The following ZFHX3 variants were observed in gnomAD, a reference collection of about 807,000 sequenced individuals.
ZFHX3 encodes zinc finger homeobox 3.
In ZFHX3, 42 loss-of-function variants were observed where a neutral mutation model predicts 279.1. The ratio of observed to expected loss-of-function variants is 0.15; its 90% CI spans 0.12 to 0.19. The LOEUF is 0.19. Ranked by LOEUF, ZFHX3 falls within the 10% of genes least tolerant of loss-of-function variation. ZFHX3 has a pLI of 1.00. For missense variants in ZFHX3, 4,981 were observed against 4,754.0 expected (o/e 1.05, Z -1.40); for synonymous variants, 2,293 against 1,957.8 (o/e 1.17, Z -4.52).
chr16:73,890,367 T>A (rs2030494465), intron 1 of ZFHX3, among the ~76,000 whole-genome samples: 1 of 152,214 alleles, frequency 6.6e-6, no homozygotes, highest in African/African-American at 2.4e-5. Flanking sequence ...GTTCCATTTT[T>A]ACTCCTGCAT....
intron 1 of ZFHX3, among the ~76,000 whole-genome samples, chr16:73,002,122 A>T (rs1331244283): frequency 6.6e-6 from 1 of 152,182 alleles, no homozygotes; most frequent in African/African-American, 2.4e-5. Flanking sequence ...TTTCTTTTAC[A>T]GATAAAGCAT....
intron 1 of ZFHX3, among the ~76,000 whole-genome samples, chr16:73,027,891 A>G (rs1027910605): frequency 8.5e-5 from 13 of 152,206 alleles, no homozygotes; most frequent in African/African-American, 2.4e-4. Flanking sequence ...AGTGTTTAAT[A>G]CACTGCCGGG....
chr16:73,768,065 T>C (rs4387626), intron 1 of ZFHX3, among the ~76,000 whole-genome samples: 80,066 of 151,980 alleles, frequency 0.53, 21,475 homozygotes, highest in African/African-American at 0.62. Flanking sequence ...CAGAAAGGAT[T>C]CAGGGCCTTC....
intron 3 of ZFHX3, among the ~76,000 whole-genome samples, chr16:73,348,201 C>T (rs1445145028): frequency 2.6e-5 from 4 of 152,202 alleles, no homozygotes; most frequent in African/African-American, 9.7e-5. Context: ...GCCACCAAGA[C>T]ATACTCCATG....
At chr16:72,835,363 G>C (rs1021648844) in intron 4 of ZFHX3, among the ~76,000 whole-genome samples, 6 of 151,952 alleles carry the variant, frequency 3.9e-5, no homozygotes, top group Non-Finnish European at 4.4e-5. Flanking sequence ...TTCTGAATAT[G>C]TATAACCCAG....
At chr16:73,528,300 G>T (rs1019535722) in intron 2 of ZFHX3, among the ~76,000 whole-genome samples, 1 of 152,172 alleles carries the variant, frequency 6.6e-6, no homozygotes, top group South Asian at 2.1e-4. Flanking sequence ...TTACATCTCT[G>T]AGTTATCTGT....
At chr16:73,045,769 T>C (rs1203833982) in intron 1 of ZFHX3, among the ~76,000 whole-genome samples, 3 of 112,174 alleles carry the variant, frequency 2.7e-5, no homozygotes, top group East Asian at 2.8e-4. Context: ...CTCTATTTCA[T>C]AGAAAGTACA....
At chr16:73,483,867 C>G (rs2018919565) in intron 2 of ZFHX3, among the ~76,000 whole-genome samples, 1 of 151,208 alleles carries the variant, frequency 6.6e-6, no homozygotes, top group South Asian at 2.1e-4. Context: ...ATAATAATAC[C>G]AAGAAGAAAA....
chr16:73,453,459 T>G (rs1345311988), intron 3 of ZFHX3, among the ~76,000 whole-genome samples: 1 of 152,206 alleles, frequency 6.6e-6, no homozygotes, highest in Non-Finnish European at 1.5e-5. Context: ...CTCACTACCC[T>G]GAGACTTCCA....
intron 2 of ZFHX3, among the ~76,000 whole-genome samples, chr16:73,487,994 A>G (rs114619478): frequency 6.4e-4 from 98 of 152,348 alleles, no homozygotes; most frequent in African/African-American, 2.0e-3. Flanking sequence ...ATGATGTGAT[A>G]CAGAAACGCA....
intron 2 of ZFHX3, among the ~76,000 whole-genome samples, chr16:73,478,264 C>CAAAAAA (rs1162656010): frequency 3.2e-5 from 2 of 61,594 alleles, no homozygotes. Context: ...GACTCCATCT[C>CAAAAAA]AAAAAAAAAA....
chr16:73,756,727 C>A (rs1203555104), intron 1 of ZFHX3, among the ~76,000 whole-genome samples: 6 of 149,726 alleles, frequency 4.0e-5, no homozygotes, highest in African/African-American at 7.4e-5. Flanking sequence ...CCCTGCCCCA[C>A]CCCCGCTCCT....
chr16:73,847,018 G>T (rs1483084239), intron 1 of ZFHX3, among the ~76,000 whole-genome samples: 1 of 152,094 alleles, frequency 6.6e-6, no homozygotes, highest in Non-Finnish European at 1.5e-5. Flanking sequence ...AAGCCCTTAA[G>T]GGGCCAGGCA....
At chr16:73,526,682 T>A (rs1349291907) in intron 2 of ZFHX3, among the ~76,000 whole-genome samples, 2 of 152,178 alleles carry the variant, frequency 1.3e-5, no homozygotes, top group Non-Finnish European at 2.9e-5. Flanking sequence ...GCTTAAACCA[T>A]GTTTATCTGA....
intron 1 of ZFHX3, among the ~76,000 whole-genome samples, chr16:73,787,802 C>T (rs2142311099): frequency 6.7e-6 from 1 of 148,288 alleles, no homozygotes; most frequent in Middle Eastern, 3.4e-3. Flanking sequence ...AACACTGTCA[C>T]TGTTTTCTTA....
At chr16:72,804,145 TAGAAAC>T in intron 7 of ZFHX3, among the ~76,000 whole-genome samples, 1 of 152,238 alleles carries the variant, frequency 6.6e-6, no homozygotes, top group Non-Finnish European at 1.5e-5. Flanking sequence ...TCATATATAA[TAGAAAC>T]AGAAGCGTTC....
intron 9 of ZFHX3, among the ~76,000 whole-genome samples, chr16:72,792,347 T>TG (rs1248120036): frequency 6.6e-6 from 1 of 152,220 alleles, no homozygotes; most frequent in South Asian, 2.1e-4. Context: ...ACAAGATTCC[T>TG]GGTCAGTGCA....
At chr16:73,740,126 A>C (rs1413874191) in intron 1 of ZFHX3, among the ~76,000 whole-genome samples, 2 of 152,016 alleles carry the variant, frequency 1.3e-5, no homozygotes, top group Non-Finnish European at 2.9e-5. Context: ...TTAAATGTCA[A>C]CCCCCAGGTA....
At chr16:73,420,804 A>G (rs540673788) in intron 3 of ZFHX3, 4 of 152,206 alleles carry the variant, frequency 2.6e-5, no homozygotes, top group African/African-American at 9.7e-5. Context: ...GTTTTTGCAC[A>G]CTCATTGACT....
Sources: allele counts gnomAD v4.1 joint callset (sites outside exome capture counted in the v4.1 genomes callset), GRCh38; gene constraint gnomAD v4.1.1; transcripts MANE v1.5; gene names NCBI Gene and HGNC (gene_info 2026-07-23, HGNC 2026-07-21).